GRIA3: variants seen among roughly 807,000 people sequenced by gnomAD.
The protein encoded by GRIA3 is glutamate ionotropic receptor AMPA type subunit 3, also known as glutamate receptor 3.
Under a neutral mutation model 63.0 loss-of-function variants are expected in GRIA3, and 3 were observed. That is an observed-to-expected ratio of 0.05 (90% confidence interval 0.02 to 0.12). The LOEUF is 0.12. Ranked by LOEUF, GRIA3 falls within the 10% of genes least tolerant of loss-of-function variation. GRIA3 has a pLI of 1.00. For missense variants in GRIA3, 347 were observed against 700.9 expected (o/e 0.50, Z 5.70); for synonymous variants, 274 against 257.9 (o/e 1.06, Z -0.60).
chrX:123,409,109 T>C (rs1345653704), intron 10 of GRIA3, among the ~76,000 whole-genome samples: 1 of 112,137 alleles, frequency 8.9e-6, no homozygotes, highest in African/African-American at 3.2e-5. Context: ...AAACCCCTAA[T>C]GATTTCTCTA....
intron 3 of GRIA3, among the ~76,000 whole-genome samples, chrX:123,256,879 G>A (rs1289735531): frequency 8.9e-6 from 1 of 111,942 alleles, no homozygotes; most frequent in Non-Finnish European, 1.9e-5. Flanking sequence ...TGGAGAAAAA[G>A]AGGTGGAGTT....
At chrX:123,217,615 A>C (rs1433077631) in intron 2 of GRIA3, among the ~76,000 whole-genome samples, 3 of 111,703 alleles carry the variant, frequency 2.7e-5, no homozygotes, top group Non-Finnish European at 5.6e-5. Context: ...ATCATAACTG[A>C]TCTGGGCCAA....
intron 3 of GRIA3, among the ~76,000 whole-genome samples, chrX:123,291,472 C>G (rs999163302): frequency 9.0e-5 from 10 of 110,549 alleles, no homozygotes; most frequent in African/African-American, 3.3e-4. Flanking sequence ...ATGCTCAGTA[C>G]CTGGGTGGCC....
intron 5 of GRIA3, among the ~76,000 whole-genome samples, chrX:123,372,786 T>C (rs1017494766): frequency 4.5e-5 from 5 of 111,944 alleles, no homozygotes; most frequent in Admixed American, 2.9e-4. Context: ...TCATTAGATT[T>C]TTCCAAATAT....
intron 14 of GRIA3, 47 bp downstream of exon 14, chrX:123,480,224 A>T: frequency 1.2e-6 from 1 of 826,216 alleles, no homozygotes; most frequent in South Asian, 2.1e-5. Flanking sequence ...TCACATTTTG[A>T]CCCACTGTTT....
intron 2 of GRIA3, among the ~76,000 whole-genome samples, chrX:123,218,470 G>GT (rs1265129397): frequency 1.8e-5 from 2 of 111,017 alleles, no homozygotes; most frequent in African/African-American, 6.6e-5. Flanking sequence ...TTTGTTTTTT[G>GT]TTTTTTTGAC....
chrX:123,451,504 C>CT (rs1393093679), intron 12 of GRIA3, among the ~76,000 whole-genome samples: 22 of 6,549 alleles, frequency 3.4e-3, no homozygotes, highest in African/African-American at 0.01. Flanking sequence ...GACTCTGTCT[C>CT]TAAAAAAAAA....
intron 3 of GRIA3, among the ~76,000 whole-genome samples, chrX:123,277,303 T>C (rs1039063362): frequency 7.2e-5 from 8 of 111,527 alleles, no homozygotes; most frequent in Non-Finnish European, 1.5e-4. Context: ...AAATATACAA[T>C]TAAGTATTAT....
At chrX:123,454,739 C>A (rs2045752551) in intron 12 of GRIA3, among the ~76,000 whole-genome samples, 1 of 111,878 alleles carries the variant, frequency 8.9e-6, no homozygotes, top group Non-Finnish European at 1.9e-5. Flanking sequence ...TTCCTCCATT[C>A]TCCCAGAATA....
intron 2 of GRIA3, among the ~76,000 whole-genome samples, chrX:123,248,364 T>C (rs1321684973): frequency 8.9e-6 from 1 of 112,641 alleles, no homozygotes; most frequent in Non-Finnish European, 1.9e-5. Flanking sequence ...GGCAGAGCCA[T>C]GATTGGAACC....
At chrX:123,437,304 T>C (rs1263162811) in intron 12 of GRIA3, among the ~76,000 whole-genome samples, 1 of 110,493 alleles carries the variant, frequency 9.1e-6, no homozygotes, top group Non-Finnish European at 1.9e-5. Context: ...ACATAAAAAA[T>C]AGATGTATAG....
At chrX:123,370,794 T>C (rs1296478726) in intron 5 of GRIA3, among the ~76,000 whole-genome samples, 2 of 110,489 alleles carry the variant, frequency 1.8e-5, no homozygotes, top group African/African-American at 6.6e-5. Context: ...TATATATATA[T>C]GGTACATGAT....
chrX:123,405,925 C>A (rs1344047437), intron 10 of GRIA3, among the ~76,000 whole-genome samples: 1 of 112,473 alleles, frequency 8.9e-6, no homozygotes, highest in Non-Finnish European at 1.9e-5. Flanking sequence ...ATCACACAGT[C>A]TGAAACATAG....
chrX:123,382,799 T>C (rs1003978170), intron 5 of GRIA3, among the ~76,000 whole-genome samples: 2 of 112,330 alleles, frequency 1.8e-5, no homozygotes, highest in Admixed American at 1.9e-4. Flanking sequence ...GGGGGACCCT[T>C]TCTCCCTCGC....
intron 4 of GRIA3, among the ~76,000 whole-genome samples, chrX:123,329,617 G>T (rs763612790): frequency 8.9e-6 from 1 of 111,755 alleles, no homozygotes; most frequent in East Asian, 2.8e-4. Context: ...ACATAGAAAA[G>T]GACAGCACTA....
intron 4 of GRIA3, among the ~76,000 whole-genome samples, chrX:123,352,921 A>G (rs893215411): frequency 6.3e-5 from 7 of 110,552 alleles, no homozygotes; most frequent in African/African-American, 1.3e-4. Flanking sequence ...CAAGACATTT[A>G]TTAACCTTTC....
intron 5 of GRIA3, among the ~76,000 whole-genome samples, chrX:123,375,827 C>T (rs1007868994): frequency 8.9e-6 from 1 of 111,934 alleles, no homozygotes; most frequent in Non-Finnish European, 1.9e-5. Context: ...AACCTTTGCA[C>T]ATCTATTTTC....
At chrX:123,429,898 T>C (rs1402693947) in intron 12 of GRIA3, among the ~76,000 whole-genome samples, 1 of 112,004 alleles carries the variant, frequency 8.9e-6, no homozygotes, top group Non-Finnish European at 1.9e-5. Flanking sequence ...ATAAACGGCA[T>C]CAATTCCCAT....
intron 4 of GRIA3, among the ~76,000 whole-genome samples, chrX:123,343,758 G>A (rs1013958073): frequency 4.6e-5 from 5 of 108,075 alleles, no homozygotes; most frequent in Admixed American, 1.0e-4. Context: ...TCCTATGCCC[G>A]GCAATTTTTT....
Sources: gnomAD v4.1 joint callset for allele counts (sites outside exome capture counted in the v4.1 genomes callset) on GRCh38, gnomAD v4.1.1 for gene constraint, MANE v1.5 for transcripts, NCBI Gene and HGNC (gene_info 2026-07-23, HGNC 2026-07-21) for gene names.